The following EPHB2 variants were observed in gnomAD, a reference collection of about 807,000 sequenced individuals.
EPHB2 encodes the protein ephrin type-B receptor 2.
EPHB2 carries 18 observed loss-of-function variants against 96.4 expected under a neutral mutation model. The ratio of observed to expected loss-of-function variants is 0.19; its 90% CI spans 0.13 to 0.28. The LOEUF (loss-of-function observed/expected upper bound fraction) is 0.28. Ranked by LOEUF, EPHB2 falls within the 10% of genes least tolerant of loss-of-function variation. The probability of loss-of-function intolerance (pLI) is 1.00; values close to 1 mark genes in which losing one functional copy is unlikely to be tolerated. For synonymous variants in EPHB2, 506 were observed against 534.1 expected, an observed-to-expected ratio of 0.95 and a Z score of 0.72; for missense variants, 989 against 1,355.4, an observed-to-expected ratio of 0.73 and a Z score of 4.25.
intron 1 of EPHB2, among the ~76,000 whole-genome samples, chr1:22,748,978 C>A (rs1255051927): frequency 6.6e-6 from 1 of 150,424 alleles, no homozygotes; most frequent in Non-Finnish European, 1.5e-5. Context: ...CTGTGAGCTG[C>A]TGGTCATCGG....
At chr1:22,739,216 G>GTT (rs1327114130) in intron 1 of EPHB2, among the ~76,000 whole-genome samples, 214 of 151,108 alleles carry the variant, frequency 1.4e-3, no homozygotes, top group African/African-American at 5.0e-3. Context: ...AATTCTTTTT[G>GTT]TTTTTTTTCT....
chr1:22,724,839 T>C (rs753659810), intron 1 of EPHB2, among the ~76,000 whole-genome samples: 3 of 152,180 alleles, frequency 2.0e-5, no homozygotes, highest in Non-Finnish European at 4.4e-5. Flanking sequence ...GCTAACCAAG[T>C]AGTTTTGAGG....
At position 22,785,023 on chromosome 1, in the gene EPHB2, G is replaced by A. The variant is rs746154144; in HGVS notation, c.758G>A (p.Arg253His). ...GDGEWLVPIG[R>H]CMCKAGFEAV... is the part of the protein sequence containing the mutation. ...GGCGAGTGGCTGGTGCCCATCGGGC[G>A]CTGCATGTGCAAAGCAGGCTTCGAG... is the stretch of plus-strand genomic sequence containing the variant. The change falls in exon 3 of 16, where the codon CGC (arginine) becomes CAC (histidine). Residue 253 changes from arginine (R) to histidine (H), a missense_variant. Arg to His is a conservative substitution (Grantham distance 29). Coordinates refer to ENST00000374630, the MANE Select transcript of EPHB2 (RefSeq NM_017449.5). 15 of 1,613,660 alleles carry A rather than the reference G, an allele frequency of 9.3e-6. No individual in the cohort carries two copies. The highest frequency in any genetic ancestry group is 1.7e-5 in the Admixed American group (1 of 60,032).
intron 1 of EPHB2, among the ~76,000 whole-genome samples, chr1:22,770,278 T>C (rs1397354576): frequency 3.3e-5 from 5 of 152,112 alleles, no homozygotes; most frequent in Admixed American, 1.3e-4. Flanking sequence ...GATAGATGGA[T>C]GAGTGGGCGT....
intron 3 of EPHB2, among the ~76,000 whole-genome samples, chr1:22,814,001 C>T (rs899896681): frequency 6.6e-6 from 1 of 152,060 alleles, no homozygotes; most frequent in African/African-American, 2.4e-5. Flanking sequence ...TGGTGAAACC[C>T]TCTCTACTGA....
chr1:22,729,505 T>G (rs1393472056), intron 1 of EPHB2, among the ~76,000 whole-genome samples: 1 of 152,212 alleles, frequency 6.6e-6, no homozygotes, highest in Non-Finnish European at 1.5e-5. Flanking sequence ...CTGCCTACTC[T>G]GCCTAATTTC....
At chr1:22,905,451 A>G (rs1346877118) in intron 9 of EPHB2, among the ~76,000 whole-genome samples, 1 of 152,118 alleles carries the variant, frequency 6.6e-6, no homozygotes, top group Non-Finnish European at 1.5e-5. Flanking sequence ...AAGGCTGGGC[A>G]GCTAGAAAGG....
At chr1:22,718,379 CTTT>C (rs5773014) in intron 1 of EPHB2, among the ~76,000 whole-genome samples, 8 of 81,460 alleles carry the variant, frequency 9.8e-5, no homozygotes, top group Admixed American at 1.6e-4. Flanking sequence ...GCTGTCAATT[CTTT>C]TTTTTTTTTT....
intron 4 of EPHB2, 101 bp downstream of exon 4, chr1:22,863,293 T>C: frequency 6.4e-7 from 1 of 1,572,608 alleles, no homozygotes; most frequent in Non-Finnish European, 8.7e-7. Context: ...TTACAGCCAG[T>C]CTTTCCCTGG....
At chr1:22,720,901 G>C (rs1431414752) in intron 1 of EPHB2, among the ~76,000 whole-genome samples, 1 of 152,160 alleles carries the variant, frequency 6.6e-6, no homozygotes, top group African/African-American at 2.4e-5. Context: ...TTGGGCTGGT[G>C]GGATTGAACT....
chr1:22,807,492 C>T (rs561009384), intron 3 of EPHB2, among the ~76,000 whole-genome samples: 11 of 152,294 alleles, frequency 7.2e-5, no homozygotes, highest in Admixed American at 2.6e-4. Context: ...GTTGGATCTA[C>T]GCATATGAGG....
At chr1:22,816,581 C>T (rs1175884832) in intron 3 of EPHB2, among the ~76,000 whole-genome samples, 1 of 152,180 alleles carries the variant, frequency 6.6e-6, no homozygotes, top group Non-Finnish European at 1.5e-5. Flanking sequence ...GCCACCCTCC[C>T]ACCTGGACCC....
intron 1 of EPHB2, among the ~76,000 whole-genome samples, chr1:22,741,910 G>A (rs1643909540): frequency 1.3e-5 from 2 of 152,094 alleles, no homozygotes; most frequent in Admixed American, 1.3e-4. Context: ...CAATGGGGAA[G>A]TGGTAGAGTC....
intron 13 of EPHB2, among the ~76,000 whole-genome samples, chr1:22,909,894 G>A (rs1640038145): frequency 6.6e-6 from 1 of 152,188 alleles, no homozygotes; most frequent in South Asian, 2.1e-4. Context: ...GGTGGAGATG[G>A]TGGGAGGGAG....
chr1:22,714,769 A>G (rs1181988614), intron 1 of EPHB2, among the ~76,000 whole-genome samples: 1 of 152,346 alleles, frequency 6.6e-6, no homozygotes, highest in Admixed American at 6.5e-5. Flanking sequence ...GTTCCCGGCT[A>G]GACTGTGAGC....
intron 3 of EPHB2, among the ~76,000 whole-genome samples, chr1:22,850,535 A>G (rs980443664): frequency 4.6e-5 from 7 of 152,212 alleles, no homozygotes; most frequent in African/African-American, 1.7e-4. Context: ...AGATGTGTCA[A>G]GCTTTGCAAA....
At chr1:22,853,792 T>C (rs1040798055) in intron 3 of EPHB2, among the ~76,000 whole-genome samples, 3 of 152,088 alleles carry the variant, frequency 2.0e-5, no homozygotes, top group Non-Finnish European at 4.4e-5. Context: ...AAGGGGAGGC[T>C]GAAGCAGGCC....
intron 9 of EPHB2, among the ~76,000 whole-genome samples, chr1:22,902,653 G>A (rs1639786748): frequency 6.6e-6 from 1 of 152,238 alleles, no homozygotes; most frequent in South Asian, 2.1e-4. Context: ...CAGGCCCTGG[G>A]ATTCAGCATG....
At chr1:22,891,000 G>A (rs537865785) in intron 6 of EPHB2, 67 of 445,208 alleles carry the variant, frequency 1.5e-4, no homozygotes, top group South Asian at 7.0e-4. Context: ...TGCAGCCCCC[G>A]TCCCAGACCA....
Sources: allele counts gnomAD v4.1 joint callset (sites outside exome capture counted in the v4.1 genomes callset), GRCh38; gene constraint gnomAD v4.1.1; transcripts MANE v1.5; gene names NCBI Gene and HGNC (gene_info 2026-07-23, HGNC 2026-07-21).